Variants in DMD observed in about 807,000 individuals in gnomAD.
DMD encodes the protein dystrophin, also known as mutant dystrophin.
A neutral mutation model predicts 330.1 loss-of-function variants in DMD; 63 were observed. That is an observed-to-expected ratio of 0.19 (90% CI 0.16 to 0.24). The LOEUF (loss-of-function observed/expected upper bound fraction) is 0.24, where lower values mean the gene tolerates loss of function less well. Among genes scored for constraint, DMD ranks in the 10% least tolerant of loss-of-function variants. DMD has a pLI of 1.00. For missense variants in DMD, 3,344 were observed against 2,684.1 expected (o/e 1.25, Z -5.43); for synonymous variants, 1,223 against 959.8 (o/e 1.27, Z -5.07).
intron 50 of DMD, among the ~76,000 whole-genome samples, chrX:31,790,472 G>A (rs193291260): frequency 9.8e-5 from 11 of 111,807 alleles, no homozygotes; most frequent in African/African-American, 3.2e-4. Flanking sequence ...TGATAAAAAT[G>A]AGTAAGTAAA....
rs756302097 is a variant in DMD at position 32,021,431 on chromosome X, T to TG, written c.6439-52918dup. Among the ~76,000 whole-genome samples, 835 of 111,978 alleles carry TG rather than the reference T, an allele frequency of 7.5e-3. 12 individuals are homozygous for TG. The highest frequency in any genetic ancestry group is 0.025 in the African/African-American group (780 of 30,852). ...TCAAGATAATGGTTACTTTTGGCTC[T>TG]GGGGGGAAGGAAGGTGATTAGCAAG... is the stretch of plus-strand genomic sequence containing the variant. On this transcript the variant is annotated intron_variant, in intron 44 of 78. Coordinates refer to ENST00000357033, the MANE Select transcript of DMD (RefSeq NM_004006.3).
intron 51 of DMD, among the ~76,000 whole-genome samples, chrX:31,737,809 C>T (rs936507226): frequency 4.5e-5 from 5 of 111,698 alleles, no homozygotes; most frequent in African/African-American, 1.6e-4. Context: ...TCAAGTATGG[C>T]ACTACAGCTG....
chrX:31,666,534 C>T (rs145994908), intron 53 of DMD, among the ~76,000 whole-genome samples: 1 of 112,130 alleles, frequency 8.9e-6, no homozygotes, highest in Non-Finnish European at 1.9e-5. Flanking sequence ...TCAGATATGA[C>T]CTTATTTCAC....
chrX:32,321,715 A>G (rs2097616272), intron 41 of DMD, among the ~76,000 whole-genome samples: 2 of 112,031 alleles, frequency 1.8e-5, no homozygotes, highest in African/African-American at 6.5e-5. Context: ...TCAATCAATC[A>G]CTATGCATCA....
At chrX:32,676,326 T>C (rs1295397375) in intron 9 of DMD, among the ~76,000 whole-genome samples, 1 of 111,170 alleles carries the variant, frequency 9.0e-6, no homozygotes, top group African/African-American at 3.3e-5. Context: ...AGTTTGCAGC[T>C]GAAACATGAA....
In DMD at chrX:33,190,331, C is replaced by A. The variant is rs1238659577; in HGVS notation, c.31+20951G>T. ...GCTCAATTCATAACTATGCAACTCT[C>A]CTGAAGCATAAACTTGGCTACATCA... On this transcript the variant is annotated intron_variant, in intron 1 of 78. Coordinates refer to ENST00000357033, the MANE Select transcript of DMD (RefSeq NM_004006.3). 1.1e-4 allele frequency among the ~76,000 whole-genome samples: 12 copies of A among 104,724 alleles called. No individual in the cohort carries two copies. In the Admixed American group the frequency reaches 1.3e-3, roughly 12 times the overall value. 90.9% of individuals were successfully genotyped at this position (104,724 alleles called of 115,157 possible).
At position 31,641,899 on chromosome X, in the gene DMD, G is replaced by T. The variant is rs902385208; in HGVS notation, c.8028-14037C>A. Among the ~76,000 whole-genome samples, 5 of 110,694 alleles carry T rather than the reference G, an allele frequency of 4.5e-5. No individual in the cohort carries two copies. The South Asian group carries it at 1.6e-3, about 35-fold the overall frequency. On this transcript the variant is annotated intron_variant, in intron 54 of 78. Coordinates refer to ENST00000357033, the MANE Select transcript of DMD (RefSeq NM_004006.3). ...GTGGATTTTGCCCCAAATCTTTGTG[G>T]ATGTGCATAATTGAAGAAAAAGATA...
intron 2 of DMD, among the ~76,000 whole-genome samples, chrX:32,903,401 CA>C (rs1182309166): frequency 1.8e-5 from 2 of 109,904 alleles, no homozygotes; most frequent in Non-Finnish European, 3.8e-5. Context: ...TAGAGGAAGG[CA>C]AAAACCAAAT....
intron 7 of DMD, among the ~76,000 whole-genome samples, chrX:32,719,331 C>A (rs2066031582): frequency 9.0e-6 from 1 of 111,620 alleles, no homozygotes. Context: ...TTACATGAAC[C>A]AAATAAAAAT....
intron 56 of DMD, among the ~76,000 whole-genome samples, chrX:31,499,244 A>C (rs1158180900): frequency 9.0e-6 from 1 of 111,382 alleles, no homozygotes; most frequent in African/African-American, 3.3e-5. Flanking sequence ...AACGATGACT[A>C]ATGTTTGGCC....
intron 17 of DMD, among the ~76,000 whole-genome samples, chrX:32,535,165 G>A (rs2047837292): frequency 9.0e-6 from 1 of 111,457 alleles, no homozygotes; most frequent in African/African-American, 3.3e-5. Flanking sequence ...CATTTCAGGG[G>A]TGACGAAATA....
intron 1 of DMD, among the ~76,000 whole-genome samples, chrX:33,303,303 T>C (rs17283547): frequency 0.3 from 33,655 of 110,529 alleles, 3,878 homozygotes; most frequent in East Asian, 0.64. Context: ...ATGTGGTATA[T>C]ATAACAAGCC....
intron 60 of DMD, among the ~76,000 whole-genome samples, chrX:31,379,742 G>T (rs1198533162): frequency 8.9e-6 from 1 of 112,187 alleles, no homozygotes; most frequent in Admixed American, 9.4e-5. Context: ...GCTGCGAGGG[G>T]TTCCTCCAGA....
intron 2 of DMD, among the ~76,000 whole-genome samples, chrX:33,006,592 C>T (rs1308929264): frequency 9.0e-6 from 1 of 111,259 alleles, no homozygotes; most frequent in Non-Finnish European, 1.9e-5. Context: ...AGAAGAGAGA[C>T]AAAGATCAAG....
intron 44 of DMD, among the ~76,000 whole-genome samples, chrX:31,974,491 CTTCT>C (rs2095421933): frequency 9.1e-6 from 1 of 110,328 alleles, no homozygotes. Flanking sequence ...TTTTTAGCCT[CTTCT>C]TTCTCCTGTT....
chrX:31,721,684 CACTCTCTCT>C (rs2085509737), intron 52 of DMD, among the ~76,000 whole-genome samples: 1 of 68,528 alleles, frequency 1.5e-5, no homozygotes, highest in African/African-American at 5.0e-5. Flanking sequence ...CTCTCTCTCT[CACTCTCTCT>C]CTCTCTCTCT....
intron 55 of DMD, among the ~76,000 whole-genome samples, chrX:31,547,524 G>A (rs1200795751): frequency 8.9e-6 from 1 of 111,733 alleles, no homozygotes; most frequent in African/African-American, 3.3e-5. Context: ...AGACATGACC[G>A]CAGAGAAAGG....
At chrX:32,002,670 G>T (rs1254228124) in intron 44 of DMD, among the ~76,000 whole-genome samples, 2 of 110,812 alleles carry the variant, frequency 1.8e-5, no homozygotes, top group African/African-American at 6.6e-5. Context: ...TGAGCTCTAG[G>T]CCTCTGGATA....
intron 12 of DMD, among the ~76,000 whole-genome samples, chrX:32,596,836 T>C (rs1428241944): frequency 9.0e-6 from 1 of 111,430 alleles, no homozygotes; most frequent in East Asian, 2.8e-4. Flanking sequence ...CGTGAGCCAC[T>C]GTGCCTGGCC....
Sources: allele counts gnomAD v4.1 joint callset (sites outside exome capture counted in the v4.1 genomes callset), GRCh38; gene constraint gnomAD v4.1.1; transcripts MANE v1.5; gene names NCBI Gene and HGNC (gene_info 2026-07-23, HGNC 2026-07-21).